The following CLIC5 variants were observed in gnomAD, a reference collection of about 807,000 sequenced individuals.
CLIC5 encodes CLIC family member 5.
Under a neutral mutation model 24.7 loss-of-function variants are expected in CLIC5, and 20 were observed. That is an observed-to-expected ratio of 0.81 (90% CI 0.57 to 1.18). The LOEUF (loss-of-function observed/expected upper bound fraction) is 1.18, where lower values mean the gene tolerates loss of function less well. CLIC5 is among the 50% of genes most tolerant of loss of function. The pLI is 0.00. For missense variants in CLIC5, 341 were observed against 326.1 expected (o/e 1.05, Z -0.35); for synonymous variants, 159 against 135.6 (o/e 1.17, Z -1.20).
intron 1 of CLIC5, among the ~76,000 whole-genome samples, chr6:45,989,427 A>G (rs1765853243): frequency 6.6e-6 from 1 of 152,214 alleles, no homozygotes; most frequent in African/African-American, 2.4e-5. Context: ...TGGTAAAAAC[A>G]TTAAGAAAAA....
chr6:45,937,485 G>C (rs368820390), intron 4 of CLIC5: 2 of 152,200 alleles, frequency 1.3e-5, no homozygotes, highest in Non-Finnish European at 2.9e-5. Flanking sequence ...TAAGCCTCTT[G>C]GGTAAAGTTG....
chr6:46,124,995 C>A, the CLIC5 span, among the ~76,000 whole-genome samples: 47 of 152,280 alleles, frequency 3.1e-4, no homozygotes, highest in South Asian at 8.9e-3. Context: ...TAAACTAGTT[C>A]AACCATTGTG....
intron 2 of CLIC5, among the ~76,000 whole-genome samples, chr6:45,949,721 TA>T (rs2127380046): frequency 6.6e-6 from 1 of 152,326 alleles, no homozygotes; most frequent in Admixed American, 6.5e-5. Context: ...GTTTTGCTTT[TA>T]AAAGCTCTTT....
the CLIC5 span, among the ~76,000 whole-genome samples, chr6:46,125,364 G>A: frequency 5.5e-3 from 841 of 152,216 alleles, 7 homozygotes; most frequent in African/African-American, 0.019. Context: ...CTCATAGGTG[G>A]GAATTGAACA....
chr6:46,079,977 G>C, exon 1 of CLIC5: 2 of 1,551,706 alleles, frequency 1.3e-6, no homozygotes, highest in Non-Finnish European at 1.7e-6. Context: ...CTGGAGTTCA[G>C]AGTATATCTC....
At chr6:46,073,325 A>C (rs979704951) in intron 1 of CLIC5, among the ~76,000 whole-genome samples, 2 of 152,130 alleles carry the variant, frequency 1.3e-5, no homozygotes, top group Non-Finnish European at 2.9e-5. Flanking sequence ...CCTTACCCTC[A>C]CAAAATATAA....
intron 3 of CLIC5, 119 bp downstream of exon 3, chr6:45,949,137 G>T: frequency 7.5e-7 from 1 of 1,337,718 alleles, no homozygotes; most frequent in Non-Finnish European, 1.0e-6. Context: ...AAAGGGTCCT[G>T]TTCTCTGGAC....
intron 1 of CLIC5, among the ~76,000 whole-genome samples, chr6:45,973,268 T>A (rs1342152194): frequency 6.6e-6 from 1 of 152,164 alleles, no homozygotes; most frequent in East Asian, 1.9e-4. Flanking sequence ...GCTGGGTTAG[T>A]AAACTGGGCT....
At chr6:45,916,713 G>T (rs1763045232) in intron 4 of CLIC5, among the ~76,000 whole-genome samples, 1 of 152,244 alleles carries the variant, frequency 6.6e-6, no homozygotes, top group Non-Finnish European at 1.5e-5. Context: ...TCCTTGGGAA[G>T]ATAGTTCTTT....
chr6:46,065,394 A>G (rs1762415515), intron 1 of CLIC5, among the ~76,000 whole-genome samples: 1 of 151,932 alleles, frequency 6.6e-6, no homozygotes, highest in African/African-American at 2.4e-5. Flanking sequence ...TAACCATATA[A>G]CTAAATAGTT....
At chr6:46,072,506 G>A (rs1411921178) in intron 1 of CLIC5, among the ~76,000 whole-genome samples, 1 of 152,128 alleles carries the variant, frequency 6.6e-6, no homozygotes, top group Non-Finnish European at 1.5e-5. Flanking sequence ...AGGATGATGG[G>A]ATTAGTAGTG....
At chr6:45,973,383 T>C (rs1478905332) in intron 1 of CLIC5, among the ~76,000 whole-genome samples, 1 of 152,224 alleles carries the variant, frequency 6.6e-6, no homozygotes, top group Non-Finnish European at 1.5e-5. Context: ...AGCCTGCCTG[T>C]TGCAGGAAAA....
At chr6:46,000,849 G>A (rs1766329865) in intron 1 of CLIC5, among the ~76,000 whole-genome samples, 1 of 152,100 alleles carries the variant, frequency 6.6e-6, no homozygotes, top group Non-Finnish European at 1.5e-5. Flanking sequence ...GTGAGATTTG[G>A]GTGGGGATGC....
At chr6:45,971,669 A>T (rs1765205944) in intron 1 of CLIC5, among the ~76,000 whole-genome samples, 1 of 152,230 alleles carries the variant, frequency 6.6e-6, no homozygotes, top group African/African-American at 2.4e-5. Context: ...CTTGTGCTTC[A>T]TCTGCCAATT....
Position 45,903,212 on chromosome 6 carries a change from A to T in CLIC5, c.632T>A (p.Met211Lys). ...CTTGAGGTACCGCCACAGGCCTGTC[A>T]TCTCAGCCGGGATATCATAGTTGCG... ...KYRNYDIPAE[M>K]TGLWRYLKNA... Residue 211 changes from methionine to lysine, a missense_variant, in exon 6 of 6, where the codon ATG (methionine) becomes AAG (lysine). Coordinates refer to ENST00000339561, the MANE Select transcript of CLIC5 (RefSeq NM_016929.5). 6.2e-7 allele frequency: 1 copy of T among 1,611,576 alleles called. No individual in the cohort carries two copies. Among genetic ancestry groups the T allele is most frequent in the Non-Finnish European group, 8.5e-7 (1 of 1,178,954 alleles).
At chr6:46,011,337 T>G (rs562334248) in intron 1 of CLIC5, among the ~76,000 whole-genome samples, 3 of 152,232 alleles carry the variant, frequency 2.0e-5, no homozygotes, top group Non-Finnish European at 2.9e-5. Flanking sequence ...CAAGGCCACC[T>G]ATGTCAGCGG....
intron 1 of CLIC5, among the ~76,000 whole-genome samples, chr6:46,073,796 ACT>A (rs1762688992): frequency 6.6e-6 from 1 of 152,186 alleles, no homozygotes; most frequent in Admixed American, 6.5e-5. Flanking sequence ...GTTGGCTGTG[ACT>A]CTGCTTCTGC....
chr6:46,038,032 T>C (rs975093494), intron 1 of CLIC5, among the ~76,000 whole-genome samples: 1 of 152,170 alleles, frequency 6.6e-6, no homozygotes, highest in Non-Finnish European at 1.5e-5. Context: ...ACTTTTTGTA[T>C]TCATAGGACT....
At chr6:45,962,367 C>A (rs375874567) in intron 1 of CLIC5, among the ~76,000 whole-genome samples, 393 of 150,992 alleles carry the variant, frequency 2.6e-3, no homozygotes, top group South Asian at 8.8e-3. Flanking sequence ...AGCCTGCTGG[C>A]AGAATTCCCA....
Sources: gnomAD v4.1 joint callset for allele counts (sites outside exome capture counted in the v4.1 genomes callset) on GRCh38, gnomAD v4.1.1 for gene constraint, MANE v1.5 for transcripts, NCBI Gene and HGNC (gene_info 2026-07-23, HGNC 2026-07-21) for gene names.